Variants in TMPRSS9 observed in about 807,000 individuals in gnomAD.
The protein encoded by TMPRSS9 is transmembrane protease serine 9.
Under a neutral mutation model 111.4 loss-of-function variants are expected in TMPRSS9, and 113 were observed. The ratio of observed to expected loss-of-function variants is 1.01; its 90% CI spans 0.87 to 1.19. TMPRSS9 has a LOEUF of 1.19. Among genes scored for constraint, TMPRSS9 ranks in the 50% most tolerant of loss-of-function variants. TMPRSS9 has a pLI of 0.00. For missense variants in TMPRSS9, 1,803 were observed against 1,513.1 expected, an observed-to-expected ratio of 1.19 and a Z score of -3.18; for synonymous variants, 805 against 659.1, an observed-to-expected ratio of 1.22 and a Z score of -3.39.
chr19:2,416,600 G>A (rs781306799), exon 12 of TMPRSS9: 3 of 1,612,466 alleles, frequency 1.9e-6, no homozygotes, highest in Admixed American at 1.7e-5. Context: ...CTGGGCGGGA[G>A]CCCGGTGAAG....
exon 9 of TMPRSS9, chr19:2,410,275 C>T: frequency 6.2e-7 from 1 of 1,613,952 alleles, no homozygotes; most frequent in Non-Finnish European, 8.5e-7. Context: ...GCCAGAGGTG[C>T]TGCAGAAAGC....
chr19:2,379,615 C>T lies in TMPRSS9; in HGVS notation c.-25-10146C>T, dbSNP rs866052060. 2.5e-5 allele frequency among the ~76,000 whole-genome samples: 3 copies of T among 118,618 alleles called. No individual in the cohort carries two copies. The East Asian group carries it at 7.9e-4, about 31-fold the overall frequency. The allele number at this position is 118,618 out of a possible 152,430, so 77.8% of individuals were successfully genotyped here. A position where few individuals can be genotyped will look rare whatever the true frequency, so the allele number is the denominator to read the frequency against. On this transcript the variant is annotated intron_variant, in intron 1 of 17. Transcript: ENST00000649857. ...GACATTCCCTAAACTAACTTTCTTT[C>T]TCTTTCTTTCTTTCTTTCTTTCTTT...
intron 1 of TMPRSS9, among the ~76,000 whole-genome samples, chr19:2,379,628 T>TCTTTCTTTCTTTCTTG (rs1970367878): frequency 7.2e-6 from 1 of 139,354 alleles, no homozygotes; most frequent in Non-Finnish European, 1.5e-5. Context: ...TTTCTTTCTT[T>TCTTTCTTTCTTTCTTG]CTTTCTTTCT....
chr19:2,415,821 T>TGCCGCCC lies in TMPRSS9; in HGVS notation c.1726_1732dup (p.His578ArgfsTer118), dbSNP rs1489698230. 1 of 1,597,478 alleles carries TGCCGCCC rather than the reference T, an allele frequency of 6.3e-7. No individual in the cohort carries two copies. The highest frequency in any genetic ancestry group is 8.5e-7 in the Non-Finnish European group (1 of 1,170,054). On this transcript the variant is annotated frameshift_variant, in exon 11 of 18. Coordinates refer to ENST00000648592, the Ensembl canonical transcript of TMPRSS9. LOFTEE classifies it high-confidence loss of function. ...TGGTGGGGGACCGCTGGCTGCTGTC[T>TGCCGCCC]GCCGCCCACTGCTTCAACCAGTAAG...
chr19:2,422,214 GC>G lies in TMPRSS9; in HGVS notation c.2519del (p.Pro840ArgfsTer37). 1 of 1,520,102 alleles carries G rather than the reference GC, an allele frequency of 6.6e-7. No individual in the cohort carries two copies. The highest frequency in any genetic ancestry group is 8.8e-7 in the Non-Finnish European group (1 of 1,135,410). 94.2% of individuals were successfully genotyped at this position (1,520,102 alleles called of 1,614,324 possible). ...TAGGGGACAGACGCCATTTCCAGAC[GC>G]CCCGGAGGCCACCACACACACCCAG... is the stretch of plus-strand genomic sequence containing the variant. On this transcript the variant is annotated frameshift_variant, in exon 14 of 18. Coordinates refer to ENST00000648592, the Ensembl canonical transcript of TMPRSS9. LOFTEE classifies it high-confidence loss of function.
chr19:2,404,647 T>TA (rs930572001), intron 6 of TMPRSS9, among the ~76,000 whole-genome samples: 90 of 151,118 alleles, frequency 6.0e-4, no homozygotes, highest in African/African-American at 1.9e-3. Context: ...ATATCAAGAC[T>TA]AGGCCTGATG....
At position 2,418,311 on chromosome 19, in the gene TMPRSS9, C is replaced by CCTT. The variant is rs1568189291; in HGVS notation, c.2154+173_2154+174insCTT. Among the ~76,000 whole-genome samples the CCTT allele has an allele frequency of 2.9e-4, 9 of 31,188 alleles. 2 individuals carry two copies. Among genetic ancestry groups the CCTT allele is most frequent in the African/African-American group, 1.7e-3 (5 of 2,888 alleles). The allele number at this position is 31,188 out of a possible 152,430, so 20.5% of individuals were successfully genotyped here. A position where few individuals can be genotyped will look rare whatever the true frequency, so the allele number is the denominator to read the frequency against. ...TCCTCCTTTCCTTCCCTCCCTTTCC[C>CCTT]TCCCTCCCTCCCTCCCTCCCTTTCC... is the stretch of plus-strand genomic sequence containing the variant. On this transcript the variant is annotated intron_variant, in intron 13 of 17. Transcript: ENST00000648592.
chr19:2,366,426 T>C (rs1970248068), intron 1 of TMPRSS9, among the ~76,000 whole-genome samples: 1 of 152,350 alleles, frequency 6.6e-6, no homozygotes, highest in South Asian at 2.1e-4. Context: ...TTTTGGTTAC[T>C]GCATAACAAA....
chr19:2,396,302 C>T, intron 1 of TMPRSS9: 1 of 462,420 alleles, frequency 2.2e-6, no homozygotes, highest in Non-Finnish European at 3.8e-6. Context: ...ACCTGGGGAC[C>T]TCCGGGTGGG....
chr19:2,415,916 G>A, intron 11 of TMPRSS9, 75 bp downstream of exon 12: 2 of 1,474,400 alleles, frequency 1.4e-6, no homozygotes, highest in Non-Finnish European at 1.8e-6. Context: ...AAACCATCCT[G>A]CTGGGGCTGC....
At chr19:2,387,027 C>A (rs777687727), upstream of TMPRSS9, among the ~76,000 whole-genome samples, 2 of 151,782 alleles carry the variant, frequency 1.3e-5, no homozygotes, top group Non-Finnish European at 2.9e-5. Context: ...TCAAAACCAG[C>A]CTGGGCAATG....
intron 1 of TMPRSS9, among the ~76,000 whole-genome samples, chr19:2,395,459 C>A (rs776180513): frequency 4.6e-5 from 7 of 151,788 alleles, no homozygotes; most frequent in Non-Finnish European, 1.0e-4. Context: ...GGCGCGGTGG[C>A]TCATGCCTGT....
intron 6 of TMPRSS9, 146 bp downstream of exon 7, chr19:2,403,341 C>A (rs1438030980): frequency 1.5e-6 from 1 of 670,000 alleles, no homozygotes; most frequent in African/African-American, 1.8e-5. Context: ...GAAAGGGGCA[C>A]CCATGGTATG....
chr19:2,407,794 A>G (rs545152937), intron 7 of TMPRSS9, among the ~76,000 whole-genome samples: 1 of 127,564 alleles, frequency 7.8e-6, no homozygotes, highest in South Asian at 2.5e-4. Context: ...ATATATATAT[A>G]TTTTTTCTGA....
At position 2,413,994 on chromosome 19, in the gene TMPRSS9, TG is replaced by T; in HGVS notation, c.1552del (p.Val518SerfsTer38). 6.2e-7 allele frequency: 1 copy of T among 1,600,476 alleles called. No homozygotes were observed. Among genetic ancestry groups the T allele is most frequent in the East Asian group, 2.3e-5 (1 of 44,372 alleles). ...GGCCCTCAGTACCGTGCCTCTTGAC[TG>T]GGTCACCGTTCCTAAGCTACAAGGT... On this transcript the variant is annotated frameshift_variant, in exon 10 of 18. Coordinates refer to ENST00000648592, the Ensembl canonical transcript of TMPRSS9. LOFTEE classifies it high-confidence loss of function.
chr19:2,415,443 GTA>G (rs1397939048), intron 10 of TMPRSS9, among the ~76,000 whole-genome samples: 4 of 152,052 alleles, frequency 2.6e-5, no homozygotes, highest in Non-Finnish European at 5.9e-5. Context: ...CTGGGCCGCT[GTA>G]TGTTTCTTTC....
intron 17 of TMPRSS9, 190 bp from the exon 19 acceptor site, chr19:2,425,737 G>T (rs1005714531): frequency 7.0e-6 from 8 of 1,137,200 alleles, no homozygotes; most frequent in African/African-American, 1.6e-5. Context: ...GGGAGGCACC[G>T]TTCCACTCCG....
chr19:2,394,573 G>T (rs1970668433), intron 1 of TMPRSS9, among the ~76,000 whole-genome samples: 1 of 131,518 alleles, frequency 7.6e-6, no homozygotes, highest in African/African-American at 2.9e-5. Flanking sequence ...GGGCAATTCA[G>T]TCCGCCCACC....
At chr19:2,360,282 G>A (rs1001608714) in exon 1 of TMPRSS9, among the ~76,000 whole-genome samples, 4 of 152,172 alleles carry the variant, frequency 2.6e-5, no homozygotes, top group African/African-American at 9.7e-5. Flanking sequence ...GTGCAGCCTC[G>A]TCGTCCGGAG....
Sources: allele counts gnomAD v4.1 joint callset (sites outside exome capture counted in the v4.1 genomes callset), GRCh38; gene constraint gnomAD v4.1.1; transcripts MANE v1.5; gene names NCBI Gene and HGNC (gene_info 2026-07-23, HGNC 2026-07-21).